PARP6: variants seen among roughly 807,000 people sequenced by gnomAD.
PARP6 encodes protein mono-ADP-ribosyltransferase PARP6.
A neutral mutation model predicts 92.0 loss-of-function variants in PARP6; 27 were observed. The observed-to-expected ratio is 0.29, with a 90% confidence interval of 0.22 to 0.40. The LOEUF is 0.40. PARP6 is among the 10% of genes least tolerant of loss of function. PARP6 has a pLI of 1.00. For missense variants in PARP6, 501 were observed against 784.5 expected (o/e 0.64, Z 4.32); for synonymous variants, 272 against 281.2 (o/e 0.97, Z 0.33).
At chr15:72,269,824 C>T (rs374500850) in intron 2 of PARP6, among the ~76,000 whole-genome samples, 8 of 147,642 alleles carry the variant, frequency 5.4e-5, no homozygotes, top group African/African-American at 1.0e-4. Context: ...ACTTGACCTA[C>T]GGAGGCAGAG....
chr15:72,242,873 A>G lies in PARP6; in HGVS notation c.1562-174T>C, dbSNP rs1386943896. ...TACAAGCAAGAACAAGTAATTAACA[A>G]CACAGCATGGTAAGGGGTTGTGATG... is the stretch of plus-strand genomic sequence containing the variant. On this transcript the variant is annotated intron_variant, in intron 20 of 23. Transcript: ENST00000569795. This position sits in a 1 kb window ranked among gnomAD's most constrained non-coding sequence, Gnocchi z 4.3. 5.1e-6 allele frequency: 3 copies of G among 587,202 alleles called. No homozygotes were observed. In the African/African-American group the frequency reaches 5.7e-5, roughly 11 times the overall value. The allele number at this position is 587,202 out of a possible 1,614,324, so 36.4% of individuals were successfully genotyped here.
rs190481026 is a variant in PARP6, at chr15:72,260,358, C to G, written c.756+120G>C. 8.7e-4 allele frequency: 662 copies of G among 758,588 alleles called. 4 individuals carry two copies. The highest frequency in any genetic ancestry group is 1.9e-3 in the Admixed American group (76 of 41,062). 47.0% of individuals were successfully genotyped at this position (758,588 alleles called of 1,614,324 possible). A position where few individuals can be genotyped will look rare whatever the true frequency, so the allele number is the denominator to read the frequency against. On this transcript the variant is annotated intron_variant, in intron 10 of 23. Transcript: ENST00000569795. ...CATTCTACTCACTCATGGTACATAC[C>G]TAGGTTTGATTTATGATGCCTAGAC...
rs1051654776 is a variant in PARP6, at chr15:72,267,556, G to A, written c.-79C>T. On this transcript the variant is annotated 5_prime_UTR_variant, in exon 3 of 24. Coordinates refer to ENST00000569795, the MANE Select transcript of PARP6 (RefSeq NM_001323532.2). ...TACCACTAGCCGAACCAAGGCCAAC[G>A]AGATGGGCATTTAGGAGACCACAAA... 14 of 1,499,144 alleles carry A rather than the reference G, an allele frequency of 9.3e-6. No individual in the cohort carries two copies. The highest frequency in any genetic ancestry group is 1.4e-5 in the African/African-American group (1 of 72,630). 92.9% of individuals were successfully genotyped at this position (1,499,144 alleles called of 1,614,324 possible).
Position 72,242,656 on chromosome 15 carries a change from C to A in PARP6, c.1605G>T (p.Leu535=). ...GQHRMPSKDE[L]VQRYNRMNTI... is the part of the protein sequence containing the mutation. ...TATTCATCCTGTTGTATCTCTGGAC[C>A]AGCTCATCCTTGGAGGGCATCCTGT... The change falls in exon 21 of 24, where the codon CTG becomes CTT. Residue 535 remains leucine, a synonymous_variant. Transcript: ENST00000569795. This position sits in a 1 kb window ranked among gnomAD's most constrained non-coding sequence, Gnocchi z 4.3. The A allele has an allele frequency of 6.2e-7, 1 of 1,612,576 alleles. No homozygotes were observed. Among genetic ancestry groups the A allele is most frequent in the Non-Finnish European group, 8.5e-7 (1 of 1,178,666 alleles).
rs924851899 is a variant in PARP6, at chr15:72,251,503, A to G, written c.1260-248T>C. Reference sequence around the variant, plus strand: ...TATTGGGGAGTTAAACAATGGATGAAAAAAAAAAAGGGGTGGGAGGAGTGC... The same window carrying G: ...TATTGGGGAGTTAAACAATGGATGAGAAAAAAAAAGGGGTGGGAGGAGTGC... On this transcript the variant is annotated intron_variant, in intron 16 of 23. Transcript: ENST00000569795. 1.4e-3 allele frequency among the ~76,000 whole-genome samples: 11 copies of G among 7,678 alleles called. No homozygotes were observed. The Non-Finnish European group carries it at 0.042, about 29-fold the overall frequency. 5.0% of individuals were successfully genotyped at this position (7,678 alleles called of 152,430 possible). A position where few individuals can be genotyped will look rare whatever the true frequency, so the allele number is the denominator to read the frequency against.
chr15:72,264,057 C>T (rs2086235903), intron 8 of PARP6, among the ~76,000 whole-genome samples: 1 of 151,942 alleles, frequency 6.6e-6, no homozygotes, highest in Non-Finnish European at 1.5e-5. Context: ...TAATCATCAC[C>T]CTTTCAACAG....
chr15:72,252,046 A>AG (rs2084432250), intron 16 of PARP6, among the ~76,000 whole-genome samples: 1 of 152,228 alleles, frequency 6.6e-6, no homozygotes, highest in South Asian at 2.1e-4. Flanking sequence ...GACTAGGAAG[A>AG]GGGAGGCAAA....
chr15:72,247,171 T>G (rs548458686), intron 20 of PARP6, among the ~76,000 whole-genome samples: 2 of 152,222 alleles, frequency 1.3e-5, no homozygotes, highest in Admixed American at 6.5e-5. Flanking sequence ...AGAATATAAG[T>G]TTTAAATTTT....
intron 11 of PARP6, among the ~76,000 whole-genome samples, chr15:72,258,930 A>C (rs1319405878): frequency 6.6e-6 from 1 of 152,234 alleles, no homozygotes; most frequent in Non-Finnish European, 1.5e-5. Context: ...ATAAAATTAA[A>C]GGTTGTTTTC....
At chr15:72,256,837 T>G (rs529321994) in intron 13 of PARP6, among the ~76,000 whole-genome samples, 1 of 152,354 alleles carries the variant, frequency 6.6e-6, no homozygotes, top group South Asian at 2.1e-4. Flanking sequence ...ATGTATATCC[T>G]TCCAGATAAT....
At position 72,267,670 on chromosome 15, in the gene PARP6, TC is replaced by T. The variant is rs2086777629; in HGVS notation, c.-194del. ...CTGTTGCGGTGGTAACAAGTCACTG[TC>T]CTGTGGAAAGTAGATAATAATGGGT... On this transcript the variant is annotated splice_region_variant and 5_prime_UTR_variant, in exon 3 of 24. Transcript: ENST00000569795. 1 of 608,318 alleles carries T rather than the reference TC, an allele frequency of 1.6e-6. No homozygotes were observed. Among genetic ancestry groups the T allele is most frequent in the African/African-American group, 1.8e-5 (1 of 54,478 alleles). The allele number at this position is 608,318 out of a possible 1,614,324, so 37.7% of individuals were successfully genotyped here. A position where few individuals can be genotyped will look rare whatever the true frequency, so the allele number is the denominator to read the frequency against.
At chr15:72,254,678 A>G (rs2084833216) in intron 14 of PARP6, among the ~76,000 whole-genome samples, 158 bp from the exon 15 acceptor site, 1 of 152,234 alleles carries the variant, frequency 6.6e-6, no homozygotes, top group East Asian at 1.9e-4. Context: ...CTAGGGGCAC[A>G]TGCTAGTTCT....
chr15:72,268,767 A>G (rs147773807), intron 2 of PARP6, among the ~76,000 whole-genome samples: 1,579 of 152,352 alleles, frequency 0.01, 25 homozygotes, highest in African/African-American at 0.036. Context: ...CATTGCCAAA[A>G]TAATGCCCTA....
Position 72,267,531 on chromosome 15 carries a change from T to C in PARP6, c.-54A>G. On this transcript the variant is annotated 5_prime_UTR_variant, in exon 3 of 24. It removes an upstream start codon present in the reference 5' UTR. Transcript: ENST00000569795. ...GTCAGTGCTAGGCAGCACCCCTCCA[T>C]ACCACTAGCCGAACCAAGGCCAACG... The C allele has an allele frequency of 2.5e-6, 4 of 1,610,332 alleles. No individual in the cohort carries two copies. The highest frequency in any genetic ancestry group is 3.4e-6 in the Non-Finnish European group (4 of 1,176,682).
intron 20 of PARP6, chr15:72,245,558 A>C (rs2083505543): frequency 6.6e-6 from 1 of 152,176 alleles, no homozygotes; most frequent in South Asian, 2.1e-4. Context: ...TATCTCTGCT[A>C]CTCATAGCTG....
chr15:72,261,672 T>G lies in PARP6; in HGVS notation c.431A>C (p.His144Pro). 2 of 1,614,104 alleles carry G rather than the reference T, an allele frequency of 1.2e-6. No homozygotes were observed. Among genetic ancestry groups the G allele is most frequent in the Non-Finnish European group, 1.7e-6 (2 of 1,179,992 alleles). ...LGMFTSQQWK[H>P]LSNDFLKTQQ... The stretch of plus-strand genomic sequence containing the variant: ...GGTCTTCAAGAAATCATTGCTCAGA[T>G]GTTTCCATTGTTGGGATGTAAACAT... Residue 144 changes from histidine (H) to proline (P), a missense_variant, in exon 9 of 24, where the codon CAT becomes CCT. By Grantham distance (77) the His-to-Pro change is moderately conservative (BLOSUM62 -2). This residue lies in a region of PARP6 where 291 missense variants were observed against 352.0 expected (regional missense o/e 0.83). Coordinates refer to ENST00000569795, the MANE Select transcript of PARP6 (RefSeq NM_001323532.2).
At chr15:72,243,303 A>G (rs1281677254) in intron 20 of PARP6, 1 of 152,270 alleles carries the variant, frequency 6.6e-6, no homozygotes, top group East Asian at 1.9e-4. Context: ...GGACATCAAT[A>G]CCTTGGTGTC....
At chr15:72,256,725 G>T in intron 13 of PARP6, 135 bp from the exon 14 acceptor site, 4 of 699,212 alleles carry the variant, frequency 5.7e-6, no homozygotes, top group Non-Finnish European at 6.2e-6. Flanking sequence ...GAAAATACAA[G>T]CTCATAAAAA....
At chr15:72,256,660 G>A (rs2085178860) in intron 13 of PARP6, 70 bp from the exon 14 acceptor site, 1 of 1,258,768 alleles carries the variant, frequency 7.9e-7, no homozygotes, top group Admixed American at 3.1e-5. Flanking sequence ...AGAGTACCCA[G>A]TATTTCTCTC....
Sources: gnomAD v4.1 joint callset for allele counts (sites outside exome capture counted in the v4.1 genomes callset) on GRCh38, gnomAD v4.1.1 for gene constraint, gnomAD v4.1.1 regional missense constraint, Gnocchi (gnomAD v3.1) non-coding constraint, MANE v1.5 for transcripts, NCBI Gene and HGNC (gene_info 2026-07-23, HGNC 2026-07-21) for gene names.